CDH12: variants seen among roughly 807,000 people sequenced by gnomAD.
CDH12 encodes cadherin-12.
Under a neutral mutation model 74.1 loss-of-function variants are expected in CDH12, and 41 were observed. The ratio of observed to expected loss-of-function variants is 0.55; its 90% confidence interval spans 0.43 to 0.72. The LOEUF is 0.72. CDH12 is among the 30% of genes least tolerant of loss of function. CDH12 has a pLI of 0.00. For missense variants in CDH12, 945 were observed against 977.2 expected (o/e 0.97, Z 0.44); for synonymous variants, 399 against 355.0 (o/e 1.12, Z -1.39).
chr5:22,236,002 T>TTGTGTA (rs1752547723), intron 3 of CDH12, among the ~76,000 whole-genome samples: 1 of 152,194 alleles, frequency 6.6e-6, no homozygotes, highest in South Asian at 2.1e-4. Context: ...TGACAAGTAT[T>TTGTGTA]TGTGTATCCA....
intron 6 of CDH12, among the ~76,000 whole-genome samples, chr5:21,956,532 G>T: frequency 6.6e-6 from 1 of 151,984 alleles, no homozygotes; most frequent in South Asian, 2.1e-4. Flanking sequence ...TTTTGCTAAT[G>T]ATATTTTTAA....
In CDH12 at chr5:22,607,155, C is replaced by T. The variant is rs529258151; in HGVS notation, c.-522-101791G>A. ...ACGTTTGGAAAATTTGCTGTCTGAC[C>T]GTGAGGTAGAAAAGAAAAACCTATT... On this transcript the variant is annotated intron_variant, in intron 1 of 14. Coordinates refer to ENST00000382254, the MANE Select transcript of CDH12 (RefSeq NM_004061.5). 9.9e-5 allele frequency among the ~76,000 whole-genome samples: 15 copies of T among 152,058 alleles called. No individual in the cohort carries two copies. The East Asian group carries it at 1.9e-3, about 20-fold the overall frequency.
intron 1 of CDH12, among the ~76,000 whole-genome samples, chr5:22,641,282 T>C (rs1467137608): frequency 1.3e-5 from 2 of 152,170 alleles, no homozygotes; most frequent in Admixed American, 1.3e-4. Context: ...AGAATCAGAA[T>C]GGGTTTGAGG....
intron 3 of CDH12, among the ~76,000 whole-genome samples, chr5:22,245,672 T>C (rs78467710): frequency 0.013 from 1,964 of 151,910 alleles, 49 homozygotes; most frequent in African/African-American, 0.044. Context: ...ATATATCATA[T>C]ATATTTAAAT....
intron 1 of CDH12, among the ~76,000 whole-genome samples, chr5:22,667,368 T>C (rs1051584631): frequency 2.6e-5 from 4 of 152,134 alleles, no homozygotes; most frequent in Admixed American, 6.5e-5. Context: ...CCAGTGAGTG[T>C]CCAGCTCTCC....
Position 22,816,894 on chromosome 5 carries a change from AAAG to A in CDH12, c.-523+36161_-523+36163del, listed in dbSNP as rs754566344. 5.3e-5 allele frequency among the ~76,000 whole-genome samples: 8 copies of A among 152,292 alleles called. No homozygotes were observed. In the East Asian group the frequency reaches 7.7e-4, roughly 15 times the overall value. On this transcript the variant is annotated intron_variant, in intron 1 of 14. Coordinates refer to ENST00000382254, the MANE Select transcript of CDH12 (RefSeq NM_004061.5). ...TTTATGTATTTGCCACATACATAGGAAAGAAGTAGATATGATTAGTGATTCCTG... is the reference window on the plus strand; with the variant it reads ...TTTATGTATTTGCCACATACATAGGAAAGTAGATATGATTAGTGATTCCTG...
At chr5:21,887,928 T>C (rs1752714873) in intron 6 of CDH12, among the ~76,000 whole-genome samples, 1 of 151,856 alleles carries the variant, frequency 6.6e-6, no homozygotes, top group African/African-American at 2.4e-5. Flanking sequence ...TTTTTCCCCT[T>C]AGTTCCAGGT....
chr5:21,879,833 G>A (rs774784153), intron 6 of CDH12, among the ~76,000 whole-genome samples: 5 of 152,148 alleles, frequency 3.3e-5, no homozygotes, highest in East Asian at 1.9e-4. Context: ...AAAAGCGGTC[G>A]ACAGCAAGAA....
At chr5:22,372,390 G>A (rs891289515) in intron 3 of CDH12, among the ~76,000 whole-genome samples, 22 of 152,184 alleles carry the variant, frequency 1.4e-4, no homozygotes, top group South Asian at 6.2e-4. Context: ...AGGGACCCCC[G>A]TGCTCCACAT....
chr5:22,702,810 G>T (rs1742786465), intron 1 of CDH12, among the ~76,000 whole-genome samples: 1 of 152,044 alleles, frequency 6.6e-6, no homozygotes, highest in East Asian at 1.9e-4. Context: ...TTGCATGAGA[G>T]ACCCTGGTCC....
chr5:22,131,606 T>A (rs558468006), intron 4 of CDH12, among the ~76,000 whole-genome samples: 30 of 152,262 alleles, frequency 2.0e-4, no homozygotes, highest in African/African-American at 7.2e-4. Context: ...ACATCCTGAA[T>A]GTGGCTCTTT....
chr5:22,528,459 T>G (rs750218512), intron 1 of CDH12, among the ~76,000 whole-genome samples: 14 of 152,168 alleles, frequency 9.2e-5, no homozygotes, highest in Admixed American at 1.3e-4. Context: ...CCTGTGAGTC[T>G]GAGAGCTCAA....
chr5:22,723,722 T>G (rs746273946), intron 1 of CDH12, among the ~76,000 whole-genome samples: 6 of 152,058 alleles, frequency 3.9e-5, no homozygotes, highest in Non-Finnish European at 8.8e-5. Flanking sequence ...TTCTAAAGAT[T>G]TATTCAGATA....
chr5:22,452,346 C>T (rs1745076531), intron 2 of CDH12, among the ~76,000 whole-genome samples: 1 of 151,886 alleles, frequency 6.6e-6, no homozygotes, highest in South Asian at 2.1e-4. Context: ...GTAATCAAAA[C>T]AGCATAATCC....
At chr5:22,475,234 A>G (rs757486510) in intron 2 of CDH12, among the ~76,000 whole-genome samples, 1 of 151,870 alleles carries the variant, frequency 6.6e-6, no homozygotes, top group Non-Finnish European at 1.5e-5. Flanking sequence ...GAAATGATCT[A>G]GAATGATTGT....
chr5:22,432,814 T>G (rs1438156275), intron 2 of CDH12, among the ~76,000 whole-genome samples: 1 of 152,174 alleles, frequency 6.6e-6, no homozygotes, highest in African/African-American at 2.4e-5. Context: ...TAAATTCTAC[T>G]GAAATCTTTC....
At chr5:22,209,270 A>G (rs4701574) in intron 4 of CDH12, among the ~76,000 whole-genome samples, 133,801 of 152,134 alleles carry the variant, frequency 0.88, 58,940 homozygotes, top group East Asian at 0.97. Flanking sequence ...CACAATATCA[A>G]CATGATTAGC....
At chr5:22,482,124 G>C (rs552939040) in intron 2 of CDH12, among the ~76,000 whole-genome samples, 1 of 152,108 alleles carries the variant, frequency 6.6e-6, no homozygotes, top group East Asian at 1.9e-4. Flanking sequence ...GACTACTTGA[G>C]GAAAGAACCC....
At chr5:21,943,350 C>A (rs1322235679) in intron 6 of CDH12, among the ~76,000 whole-genome samples, 1 of 152,096 alleles carries the variant, frequency 6.6e-6, no homozygotes, top group African/African-American at 2.4e-5. Flanking sequence ...ATTTATATAA[C>A]ATTGAATTTA....
Sources: allele counts gnomAD v4.1 joint callset (sites outside exome capture counted in the v4.1 genomes callset), GRCh38; gene constraint gnomAD v4.1.1; transcripts MANE v1.5; gene names NCBI Gene and HGNC (gene_info 2026-07-23, HGNC 2026-07-21).